Variants in PTPRM observed in about 807,000 individuals in gnomAD.
The protein encoded by PTPRM is receptor-type tyrosine-protein phosphatase mu.
PTPRM carries 47 observed loss-of-function variants against 186.7 expected under a neutral mutation model. The ratio of observed to expected loss-of-function variants is 0.25; its 90% CI spans 0.20 to 0.32. The LOEUF is 0.32. Ranked by LOEUF, PTPRM falls within the 10% of genes least tolerant of loss-of-function variation. The pLI, the probability that PTPRM is intolerant of heterozygous loss-of-function variation, is 1.00. For missense variants in PTPRM, 1,494 were observed against 1,865.0 expected (o/e 0.80, Z 3.66); for synonymous variants, 668 against 674.9 (o/e 0.99, Z 0.16).
At chr18:8,202,929 C>A (rs188645391) in intron 14 of PTPRM, among the ~76,000 whole-genome samples, 416 of 152,332 alleles carry the variant, frequency 2.7e-3, no homozygotes, top group Non-Finnish European at 4.9e-3. Context: ...GCCTCCTCTT[C>A]TTCCATGAAG....
intron 1 of PTPRM, among the ~76,000 whole-genome samples, chr18:7,755,800 G>T (rs555042826): frequency 6.6e-6 from 1 of 152,132 alleles, no homozygotes; most frequent in Non-Finnish European, 1.5e-5. Flanking sequence ...CCTGCTGCTC[G>T]CTGTGCGGGC....
chr18:8,319,126 T>G, intron 21 of PTPRM, 52 bp from the exon 22 acceptor site: 4 of 1,241,212 alleles, frequency 3.2e-6, no homozygotes, highest in Non-Finnish European at 4.7e-6. Flanking sequence ...GCGACTTATC[T>G]GCTGTTTATC....
chr18:8,039,762 A>G (rs1420943389), intron 7 of PTPRM, among the ~76,000 whole-genome samples: 3 of 152,116 alleles, frequency 2.0e-5, no homozygotes, highest in African/African-American at 4.8e-5. Context: ...TCTTGCAGTT[A>G]TTTCCCATGT....
At chr18:8,193,200 A>T (rs1366372874) in intron 14 of PTPRM, among the ~76,000 whole-genome samples, 1 of 152,310 alleles carries the variant, frequency 6.6e-6, no homozygotes, top group South Asian at 2.1e-4. Flanking sequence ...ATATTGAGAA[A>T]CAGCAAGAGA....
At chr18:7,570,024 G>A (rs751782481) in intron 1 of PTPRM, among the ~76,000 whole-genome samples, 2 of 152,124 alleles carry the variant, frequency 1.3e-5, no homozygotes, top group African/African-American at 4.8e-5. Flanking sequence ...TGCTCTAGAG[G>A]CAGAGGCAGG....
intron 13 of PTPRM, among the ~76,000 whole-genome samples, chr18:8,130,959 T>C (rs1311309000): frequency 6.6e-5 from 10 of 152,056 alleles, no homozygotes; most frequent in Admixed American, 6.6e-4. Flanking sequence ...GCACGTAGAG[T>C]AGAGCACAAA....
chr18:8,126,012 T>C (rs2092342712), intron 13 of PTPRM, among the ~76,000 whole-genome samples: 2 of 25,106 alleles, frequency 8.0e-5, no homozygotes, highest in South Asian at 1.4e-3. Context: ...TATATATATA[T>C]ATATATATAT....
intron 2 of PTPRM, among the ~76,000 whole-genome samples, chr18:7,875,558 TC>T (rs1419303123): frequency 6.6e-6 from 1 of 152,086 alleles, no homozygotes; most frequent in Admixed American, 6.5e-5. Context: ...ACTCCTGACC[TC>T]GTGATCTGCC....
chr18:7,849,823 GA>G (rs2046778651), intron 2 of PTPRM, among the ~76,000 whole-genome samples: 2 of 152,136 alleles, frequency 1.3e-5, no homozygotes, highest in South Asian at 4.1e-4. Context: ...AGCAACTCCA[GA>G]AAAACCACCA....
At chr18:7,984,602 T>TATATATATATATATATACACACAC (rs1214502563) in intron 7 of PTPRM, among the ~76,000 whole-genome samples, 3 of 87,196 alleles carry the variant, frequency 3.4e-5, no homozygotes, top group African/African-American at 1.5e-4. Context: ...TATATATATA[T>TATATATATATATATATACACACAC]ACACACACAC....
intron 14 of PTPRM, among the ~76,000 whole-genome samples, chr18:8,214,187 A>AATAT (rs1375916143): frequency 3.9e-5 from 6 of 152,162 alleles, no homozygotes; most frequent in Admixed American, 3.3e-4. Flanking sequence ...CAGGTGCACT[A>AATAT]ATATCCCAGA....
intron 6 of PTPRM, 137 bp from the exon 7 acceptor site, chr18:7,954,984 A>G (rs2053218115): frequency 1.1e-6 from 1 of 891,812 alleles, no homozygotes; most frequent in African/African-American, 1.7e-5. Context: ...TTTTCTTGTT[A>G]ACCCAAACAA....
chr18:7,792,261 T>C (rs980882077), intron 2 of PTPRM, among the ~76,000 whole-genome samples: 3 of 152,204 alleles, frequency 2.0e-5, no homozygotes, highest in African/African-American at 7.2e-5. Flanking sequence ...TTATTCTTCA[T>C]AGTGGTCTGT....
intron 7 of PTPRM, among the ~76,000 whole-genome samples, chr18:7,993,682 G>T (rs1036859653): frequency 1.3e-5 from 2 of 152,098 alleles, no homozygotes; most frequent in African/African-American, 4.8e-5. Flanking sequence ...AACAAAAACT[G>T]ATGGGATTTG....
At chr18:8,254,455 C>T (rs1601495918) in intron 19 of PTPRM, among the ~76,000 whole-genome samples, 1 of 152,072 alleles carries the variant, frequency 6.6e-6, no homozygotes, top group Non-Finnish European at 1.5e-5. Flanking sequence ...AATCAGTCCG[C>T]AGTCATTGAT....
chr18:8,051,335 C>G (rs562422406), intron 7 of PTPRM, among the ~76,000 whole-genome samples: 68 of 152,286 alleles, frequency 4.5e-4, no homozygotes, highest in Non-Finnish European at 8.7e-4. Context: ...AAAGGACATA[C>G]GTAACCTACA....
intron 1 of PTPRM, among the ~76,000 whole-genome samples, chr18:7,587,630 A>T (rs2143583912): frequency 6.6e-6 from 1 of 152,270 alleles, no homozygotes; most frequent in South Asian, 2.1e-4. Flanking sequence ...TTTTTAACTT[A>T]AAAGCATCTT....
chr18:8,101,780 C>T (rs2091301843), intron 11 of PTPRM, among the ~76,000 whole-genome samples: 1 of 152,166 alleles, frequency 6.6e-6, no homozygotes, highest in South Asian at 2.1e-4. Flanking sequence ...ACCTTGCCTC[C>T]TCCTGGGAGC....
At chr18:8,381,768 C>A (rs1243394429) in intron 29 of PTPRM, among the ~76,000 whole-genome samples, 1 of 152,018 alleles carries the variant, frequency 6.6e-6, no homozygotes, top group African/African-American at 2.4e-5. Context: ...GTGGCACGGC[C>A]GAAATTTCAC....
Sources: allele counts gnomAD v4.1 joint callset (sites outside exome capture counted in the v4.1 genomes callset), GRCh38; gene constraint gnomAD v4.1.1; transcripts MANE v1.5; gene names NCBI Gene and HGNC (gene_info 2026-07-23, HGNC 2026-07-21).